SLC41A2: variants seen among roughly 807,000 people sequenced by gnomAD.
SLC41A2 encodes the protein solute carrier family 41 member 2, also known as SLC41A1-like 1.
Under a neutral mutation model 58.3 loss-of-function variants are expected in SLC41A2, and 32 were observed. The observed-to-expected ratio is 0.55, with a 90% CI of 0.41 to 0.74. SLC41A2 has a LOEUF of 0.74. Ranked by LOEUF, SLC41A2 falls within the 30% of genes least tolerant of loss-of-function variation. The probability of loss-of-function intolerance (pLI) is 0.00; values close to 1 mark genes in which losing one functional copy is unlikely to be tolerated. For synonymous variants in SLC41A2, 190 were observed against 235.0 expected (o/e 0.81, Z 1.75); for missense variants, 514 against 680.6 (o/e 0.76, Z 2.72).
chr12:104,914,942 G>A (rs1264748206), intron 2 of SLC41A2, among the ~76,000 whole-genome samples: 2 of 152,224 alleles, frequency 1.3e-5, no homozygotes, highest in African/African-American at 4.8e-5. Flanking sequence ...GAATGCTGAA[G>A]CAGCTAGTGC....
At chr12:104,866,359 G>A in intron 7 of SLC41A2, 73 bp downstream of exon 7, 1 of 1,414,484 alleles carries the variant, frequency 7.1e-7, no homozygotes, top group Non-Finnish European at 9.2e-7. Context: ...GCTTATAGAA[G>A]ACACACAAAG....
intron 6 of SLC41A2, among the ~76,000 whole-genome samples, chr12:104,873,685 A>G (rs1038929023): frequency 2.6e-5 from 4 of 152,178 alleles, no homozygotes; most frequent in Non-Finnish European, 5.9e-5. Flanking sequence ...CCTTGCCAAC[A>G]CTTGTTATCT....
Position 104,889,013 on chromosome 12 carries a change from A to G in SLC41A2, c.880+20T>C. The G allele has an allele frequency of 6.4e-7, 1 of 1,553,266 alleles. No homozygotes were observed. The highest frequency in any genetic ancestry group is 8.6e-7 in the Non-Finnish European group (1 of 1,161,190). ...TTAAATGTAAAAGGCTATAGAGTAGACATTTATAAATTCACTTACCCTGCA... is the reference window on the plus strand; with the variant it reads ...TTAAATGTAAAAGGCTATAGAGTAGGCATTTATAAATTCACTTACCCTGCA... On this transcript the variant is annotated intron_variant, in intron 5 of 10. Transcript: ENST00000258538.
intron 6 of SLC41A2, among the ~76,000 whole-genome samples, chr12:104,870,248 A>G (rs1196815565): frequency 6.6e-6 from 1 of 152,216 alleles, no homozygotes; most frequent in Non-Finnish European, 1.5e-5. Flanking sequence ...TCATACAGCT[A>G]CCAGCCGAGA....
chr12:104,894,604 G>A (rs1039378658), intron 4 of SLC41A2, among the ~76,000 whole-genome samples: 1 of 152,082 alleles, frequency 6.6e-6, no homozygotes, highest in Non-Finnish European at 1.5e-5. Context: ...CTGCAACCAG[G>A]TTCTCAACAT....
chr12:104,951,708 AT>A (rs1425369027), intron 1 of SLC41A2, among the ~76,000 whole-genome samples: 1 of 151,558 alleles, frequency 6.6e-6, no homozygotes, highest in Non-Finnish European at 1.5e-5. Flanking sequence ...AACAAAATCT[AT>A]TTTCTGTTGA....
chr12:104,953,839 C>T (rs1268948549), intron 1 of SLC41A2, among the ~76,000 whole-genome samples: 3 of 152,176 alleles, frequency 2.0e-5, no homozygotes, highest in Non-Finnish European at 4.4e-5. Context: ...AAAGCTTCAA[C>T]ATGAACAACA....
chr12:104,806,311 A>G (rs1435012859), intron 10 of SLC41A2, among the ~76,000 whole-genome samples: 1 of 151,060 alleles, frequency 6.6e-6, no homozygotes, highest in Non-Finnish European at 1.5e-5. Flanking sequence ...GAGAACATGC[A>G]GCGTTTGGTT....
intron 1 of SLC41A2, among the ~76,000 whole-genome samples, chr12:104,940,910 G>A (rs895057238): frequency 1.3e-4 from 18 of 137,264 alleles, no homozygotes; most frequent in Admixed American, 4.9e-4. Flanking sequence ...GCCTGCCTCC[G>A]AGTGACAGAG....
intron 3 of SLC41A2, among the ~76,000 whole-genome samples, chr12:104,897,144 CTT>C (rs71440558): frequency 5.0e-5 from 6 of 120,284 alleles, no homozygotes; most frequent in Admixed American, 1.9e-4. Context: ...TTTCTTTTTT[CTT>C]TTTTTTTTTT....
intron 1 of SLC41A2, among the ~76,000 whole-genome samples, chr12:104,931,984 G>A (rs543981868): frequency 6.6e-6 from 1 of 152,292 alleles, no homozygotes; most frequent in Non-Finnish European, 1.5e-5. Flanking sequence ...GTGTGTGTGT[G>A]TTTTTAAATA....
chr12:104,929,736 C>CA (rs781358680), intron 1 of SLC41A2, among the ~76,000 whole-genome samples: 2 of 152,120 alleles, frequency 1.3e-5, no homozygotes, highest in Non-Finnish European at 2.9e-5. Flanking sequence ...CATCTAAGAC[C>CA]AAAAAAATGG....
At chr12:104,905,958 C>T in intron 3 of SLC41A2, among the ~76,000 whole-genome samples, 1 of 152,210 alleles carries the variant, frequency 6.6e-6, no homozygotes, top group Non-Finnish European at 1.5e-5. Flanking sequence ...GAAAGGGGCT[C>T]CCACAGTGCA....
At chr12:104,955,162 C>T (rs1003627918) in intron 1 of SLC41A2, among the ~76,000 whole-genome samples, 2 of 151,676 alleles carry the variant, frequency 1.3e-5, no homozygotes, top group Admixed American at 1.3e-4. Context: ...ATTACAGGTG[C>T]CCGCCAGCAC....
At chr12:104,855,004 A>G (rs1431643647) in intron 8 of SLC41A2, among the ~76,000 whole-genome samples, 1 of 151,944 alleles carries the variant, frequency 6.6e-6, no homozygotes, top group Non-Finnish European at 1.5e-5. Context: ...CTCCCTCACT[A>G]TTCACCATCT....
At chr12:104,952,919 T>C (rs2048009847) in intron 1 of SLC41A2, among the ~76,000 whole-genome samples, 1 of 152,208 alleles carries the variant, frequency 6.6e-6, no homozygotes, top group Admixed American at 6.5e-5. Context: ...TTAACATCCA[T>C]GTCCCTGGCC....
chr12:104,836,126 G>T (rs1006740403), intron 10 of SLC41A2, among the ~76,000 whole-genome samples: 2 of 152,198 alleles, frequency 1.3e-5, no homozygotes, highest in Admixed American at 1.3e-4. Flanking sequence ...TTAGAGGTGT[G>T]AGTCCCACAC....
chr12:104,872,276 G>A (rs2043821657), intron 6 of SLC41A2, among the ~76,000 whole-genome samples: 1 of 152,168 alleles, frequency 6.6e-6, no homozygotes, highest in African/African-American at 2.4e-5. Context: ...AAGCAATAAA[G>A]AGTTACTCAG....
Position 104,844,625 on chromosome 12 carries a change from A to G in SLC41A2, c.1388-5T>C. The stretch of plus-strand genomic sequence containing the variant: ...GAGCAGACTTATTATTTACTCCTGT[A>G]ATATAAAATGTAAAAGTAATTAAAA... On this transcript the variant is annotated splice_region_variant and splice_polypyrimidine_tract_variant and intron_variant, in intron 9 of 10. Coordinates refer to ENST00000258538, the MANE Select transcript of SLC41A2 (RefSeq NM_001352171.3). The G allele has an allele frequency of 6.8e-7, 1 of 1,474,628 alleles. No homozygotes were observed. The allele number at this position is 1,474,628 out of a possible 1,614,324, so 91.3% of individuals were successfully genotyped here.
Sources: allele counts gnomAD v4.1 joint callset (sites outside exome capture counted in the v4.1 genomes callset), GRCh38; gene constraint gnomAD v4.1.1; transcripts MANE v1.5; gene names NCBI Gene and HGNC (gene_info 2026-07-23, HGNC 2026-07-21).